The following PSPC1 variants were observed in gnomAD, a reference collection of about 807,000 sequenced individuals.
The protein encoded by PSPC1 is paraspeckle component 1, also known as paraspeckle protein 1.
Under a neutral mutation model 51.6 loss-of-function variants are expected in PSPC1, and 14 were observed. The observed-to-expected ratio is 0.27, with a 90% CI of 0.18 to 0.42. The LOEUF is 0.42. Ranked by LOEUF, PSPC1 falls within the 10% of genes least tolerant of loss-of-function variation. The pLI, the probability that PSPC1 is intolerant of heterozygous loss-of-function variation, is 1.00. For synonymous variants in PSPC1, 193 were observed against 231.9 expected, an observed-to-expected ratio of 0.83 and a Z score of 1.53; for missense variants, 406 against 701.1, an observed-to-expected ratio of 0.58 and a Z score of 4.75.
At chr13:19,673,616 A>C (rs1363290447), downstream of PSPC1, among the ~76,000 whole-genome samples, 1 of 152,226 alleles carries the variant, frequency 6.6e-6, no homozygotes, top group Non-Finnish European at 1.5e-5. Context: ...GCAGCAGTGC[A>C]GGTCAGGAGC....
At chr13:19,718,298 T>C (rs1283139612) in intron 6 of PSPC1, among the ~76,000 whole-genome samples, 4 of 152,220 alleles carry the variant, frequency 2.6e-5, no homozygotes, top group African/African-American at 7.2e-5. Context: ...ATACATGCAT[T>C]CCTAAATATC....
intron 6 of PSPC1, chr13:19,678,922 A>G (rs1225350763): frequency 6.6e-6 from 1 of 152,006 alleles, no homozygotes. Flanking sequence ...ACACCCAGCT[A>G]GTTGTATTTT....
intron 3 of PSPC1, among the ~76,000 whole-genome samples, chr13:19,755,962 C>T (rs754550034): frequency 7.2e-5 from 11 of 152,226 alleles, no homozygotes; most frequent in African/African-American, 1.9e-4. Flanking sequence ...GTGGGCCGGG[C>T]GCAGTGGCTC....
rs17086752 is a variant in PSPC1 at position 19,782,858 on chromosome 13, A to G, written c.-101T>C. ...CTACATAAACCTATGCCAACAAAAT[A>G]TCGACAATCAAGAGACCGCTAGGTA... On this transcript the variant is annotated 5_prime_UTR_variant, in exon 1 of 9. Transcript: ENST00000338910. The surrounding 1 kb of genome is among the most constrained non-coding windows in gnomAD (Gnocchi z 4.5). 97,797 of 1,305,834 alleles carry G rather than the reference A, an allele frequency of 0.075. 3,872 individuals are homozygous for G. Among genetic ancestry groups the G allele is most frequent in the Middle Eastern group, 0.16 (571 of 3,566 alleles). 80.9% of individuals were successfully genotyped at this position (1,305,834 alleles called of 1,614,324 possible).
intron 1 of PSPC1, among the ~76,000 whole-genome samples, chr13:19,780,138 G>T (rs1341771937): frequency 1.1e-4 from 6 of 55,030 alleles, no homozygotes; most frequent in African/African-American, 2.5e-4. Flanking sequence ...GAGGGAGGTG[G>T]GGGGATCAGC....
chr13:19,744,486 C>T (rs1309489885), intron 4 of PSPC1, among the ~76,000 whole-genome samples: 2 of 152,172 alleles, frequency 1.3e-5, no homozygotes, highest in Admixed American at 1.3e-4. Flanking sequence ...AAAGCTTATA[C>T]ATCTGTACAC....
intron 6 of PSPC1, chr13:19,679,006 G>A (rs1258381555): frequency 1.3e-5 from 2 of 152,186 alleles, no homozygotes; most frequent in Non-Finnish European, 2.9e-5. Flanking sequence ...CTCCAGCCTT[G>A]GCTTCCCAAA....
intron 6 of PSPC1, among the ~76,000 whole-genome samples, chr13:19,712,650 G>A (rs1386978865): frequency 2.6e-5 from 4 of 151,982 alleles, no homozygotes. Flanking sequence ...TTCTCTAAAT[G>A]AGATAATCAG....
At chr13:19,780,372 C>T (rs1889817997) in intron 1 of PSPC1, among the ~76,000 whole-genome samples, 1 of 94,666 alleles carries the variant, frequency 1.1e-5, no homozygotes, top group Non-Finnish European at 2.3e-5. Context: ...AATAGAAAGG[C>T]GGGAAAGGTG....
chr13:19,777,783 T>C (rs1242868161), intron 1 of PSPC1, among the ~76,000 whole-genome samples: 3 of 151,808 alleles, frequency 2.0e-5, no homozygotes, highest in Admixed American at 6.6e-5. Flanking sequence ...CCATCTCTAC[T>C]AAAAATACAA....
At chr13:19,749,637 CTT>C (rs59422281) in intron 4 of PSPC1, among the ~76,000 whole-genome samples, 3 of 138,284 alleles carry the variant, frequency 2.2e-5, no homozygotes, top group Admixed American at 7.4e-5. Flanking sequence ...GACAGTTTAT[CTT>C]TTTTTTTTTT....
intron 5 of PSPC1, among the ~76,000 whole-genome samples, chr13:19,736,455 G>A (rs575884392): frequency 7.4e-4 from 112 of 152,002 alleles, no homozygotes; most frequent in Non-Finnish European, 1.3e-3. Context: ...AGGCCGAGGC[G>A]GGCGGATCAC....
At chr13:19,743,574 C>T (rs1021996851) in intron 4 of PSPC1, among the ~76,000 whole-genome samples, 4 of 152,142 alleles carry the variant, frequency 2.6e-5, no homozygotes, top group African/African-American at 9.7e-5. Flanking sequence ...TATTCCAAAG[C>T]TCTTTCAAAA....
intron 5 of PSPC1, among the ~76,000 whole-genome samples, chr13:19,740,172 C>T (rs1001022506): frequency 5.3e-5 from 8 of 152,124 alleles, no homozygotes; most frequent in South Asian, 4.1e-4. Flanking sequence ...GGAGAAACCC[C>T]GTCTCTACTA....
chr13:19,715,938 C>T (rs1353004184), intron 6 of PSPC1, among the ~76,000 whole-genome samples: 6 of 151,896 alleles, frequency 4.0e-5, no homozygotes, highest in South Asian at 4.2e-4. Flanking sequence ...GGCATGAACC[C>T]GGGAGGCGGA....
At chr13:19,683,432 CA>C (rs1178557697) in intron 6 of PSPC1, among the ~76,000 whole-genome samples, 11 of 152,152 alleles carry the variant, frequency 7.2e-5, no homozygotes, top group Non-Finnish European at 7.4e-5. Context: ...CATATTGTAC[CA>C]TTCCATTTCT....
chr13:19,741,875 C>T (rs1885467882), intron 4 of PSPC1, among the ~76,000 whole-genome samples: 1 of 151,736 alleles, frequency 6.6e-6, no homozygotes, highest in South Asian at 2.1e-4. Flanking sequence ...CCCACGCCTA[C>T]AATCCCAGTA....
At chr13:19,704,644 G>GA (rs1421381490) in intron 8 of PSPC1, among the ~76,000 whole-genome samples, 1 of 152,106 alleles carries the variant, frequency 6.6e-6, no homozygotes, top group African/African-American at 2.4e-5. Flanking sequence ...CACTAAATGA[G>GA]AAAACGGTTT....
chr13:19,694,653 A>G (rs932527105), intron 6 of PSPC1, among the ~76,000 whole-genome samples: 1 of 152,206 alleles, frequency 6.6e-6, no homozygotes, highest in African/African-American at 2.4e-5. Flanking sequence ...TTAATATTCT[A>G]TCAATAACTG....
Sources: gnomAD v4.1 joint callset for allele counts (sites outside exome capture counted in the v4.1 genomes callset) on GRCh38, gnomAD v4.1.1 for gene constraint, Gnocchi (gnomAD v3.1) non-coding constraint, MANE v1.5 for transcripts, NCBI Gene and HGNC (gene_info 2026-07-23, HGNC 2026-07-21) for gene names.